GRM3: variants seen among roughly 807,000 people sequenced by gnomAD.
GRM3 encodes the protein metabotropic glutamate receptor 3.
In GRM3, 26 loss-of-function variants were observed where a neutral mutation model predicts 70.5. That is an observed-to-expected ratio of 0.37 (90% CI 0.27 to 0.51). GRM3 has a LOEUF of 0.51. GRM3 is among the 20% of genes least tolerant of loss of function. The pLI, the probability that GRM3 is intolerant of heterozygous loss-of-function variation, is 0.93. For synonymous variants in GRM3, 443 were observed against 434.9 expected, an observed-to-expected ratio of 1.02 and a Z score of -0.23; for missense variants, 859 against 1,123.8, an observed-to-expected ratio of 0.76 and a Z score of 3.37.
At chr7:86,823,732 A>C (rs1798174895) in intron 3 of GRM3, among the ~76,000 whole-genome samples, 1 of 151,674 alleles carries the variant, frequency 6.6e-6, no homozygotes, top group African/African-American at 2.4e-5. Context: ...AACAAATTTC[A>C]ATTCTTGTTA....
intron 1 of GRM3, among the ~76,000 whole-genome samples, chr7:86,669,990 G>A (rs1479675226): frequency 6.6e-6 from 1 of 152,102 alleles, no homozygotes; most frequent in Non-Finnish European, 1.5e-5. Flanking sequence ...CTTCTCCTCA[G>A]TTCTCAGACA....
At chr7:86,644,975 G>C (rs560067589) in intron 1 of GRM3, 103 bp downstream of exon 1, 1 of 483,474 alleles carries the variant, frequency 2.1e-6, no homozygotes, top group South Asian at 1.8e-5. Flanking sequence ...AGTTGAGGTA[G>C]AGCATGGACC....
intron 2 of GRM3, among the ~76,000 whole-genome samples, chr7:86,783,894 A>G (rs1797148861): frequency 6.6e-6 from 1 of 152,204 alleles, no homozygotes; most frequent in Admixed American, 6.5e-5. Flanking sequence ...AATACTTACT[A>G]TGTTCCAATT....
intron 1 of GRM3, among the ~76,000 whole-genome samples, chr7:86,669,302 G>T (rs1365352386): frequency 6.6e-6 from 1 of 152,042 alleles, no homozygotes; most frequent in Non-Finnish European, 1.5e-5. Flanking sequence ...TGATTCCAGG[G>T]GACAGCCAAT....
chr7:86,708,288 A>T (rs1283838512), intron 1 of GRM3, among the ~76,000 whole-genome samples: 1 of 152,142 alleles, frequency 6.6e-6, no homozygotes, highest in African/African-American at 2.4e-5. Flanking sequence ...AGTGGTCTCT[A>T]TAGTTTGTAT....
rs914813945 is a variant in GRM3 at position 86,644,557 on chromosome 7, C to G, written c.-456C>G. On this transcript the variant is annotated 5_prime_UTR_variant, in exon 1 of 6. Transcript: ENST00000361669. Reference sequence around the variant, plus strand: ...CCTCTTTCCCCAACCTCCTCCCTCTCTTCTACTCCACCCCTCCGTTTTCCC... The same window carrying G: ...CCTCTTTCCCCAACCTCCTCCCTCTGTTCTACTCCACCCCTCCGTTTTCCC... The G allele has an allele frequency of 2.5e-5, 10 of 396,404 alleles. No homozygotes were observed. Among genetic ancestry groups the G allele is most frequent in the Non-Finnish European group, 5.1e-6 (1 of 198,002 alleles). 24.6% of individuals were successfully genotyped at this position (396,404 alleles called of 1,614,324 possible).
chr7:86,729,365 C>A (rs574544161), intron 1 of GRM3, among the ~76,000 whole-genome samples: 1 of 152,082 alleles, frequency 6.6e-6, no homozygotes, highest in Non-Finnish European at 1.5e-5. Flanking sequence ...TGGTGTATAA[C>A]GTGTTCCATT....
intron 1 of GRM3, among the ~76,000 whole-genome samples, chr7:86,744,847 C>T (rs528343328): frequency 6.6e-6 from 1 of 152,020 alleles, no homozygotes; most frequent in Non-Finnish European, 1.5e-5. Flanking sequence ...ACATGAAAAG[C>T]ACTCCTGGAA....
chr7:86,717,722 A>G (rs910535488), intron 1 of GRM3, among the ~76,000 whole-genome samples: 8 of 151,998 alleles, frequency 5.3e-5, no homozygotes, highest in Non-Finnish European at 2.9e-5. Flanking sequence ...GACGTGAAAC[A>G]TAAGGGTTTG....
At chr7:86,678,286 G>A (rs912625606) in intron 1 of GRM3, among the ~76,000 whole-genome samples, 10 of 151,928 alleles carry the variant, frequency 6.6e-5, no homozygotes, top group African/African-American at 2.4e-4. Flanking sequence ...AGATAAAGGA[G>A]CACACAACTA....
chr7:86,786,435 A>T lies in GRM3; in HGVS notation c.643A>T (p.Thr215Ser). 1.2e-6 allele frequency: 2 copies of T among 1,614,214 alleles called. No individual in the cohort carries two copies. Among genetic ancestry groups the T allele is most frequent in the Non-Finnish European group, 1.7e-6 (2 of 1,180,020 alleles). Residue 215 changes from threonine to serine, a missense_variant, in exon 3 of 6, where the codon ACA becomes TCA. By Grantham distance (58) the Thr-to-Ser change is moderately conservative (BLOSUM62 1). Coordinates refer to ENST00000361669, the MANE Select transcript of GRM3 (RefSeq NM_000840.3). This position sits in a 1 kb window ranked among gnomAD's most constrained non-coding sequence, Gnocchi z 6.0. Reference sequence around the variant, plus strand: ...CTTCTTCAACTGGACCTACGTGTCCACAGTAGCCTCCGAGGGTGATTACGG... The same window carrying T: ...CTTCTTCAACTGGACCTACGTGTCCTCAGTAGCCTCCGAGGGTGATTACGG... ...LRFFNWTYVS[T>S]VASEGDYGET...
intron 1 of GRM3, among the ~76,000 whole-genome samples, chr7:86,682,099 G>A (rs770238591): frequency 8.5e-5 from 13 of 152,156 alleles, no homozygotes; most frequent in Non-Finnish European, 1.3e-4. Flanking sequence ...CTTAAACAGT[G>A]CATTTGCAAA....
chr7:86,819,558 G>A (rs1419268123), intron 3 of GRM3, among the ~76,000 whole-genome samples: 1 of 152,100 alleles, frequency 6.6e-6, no homozygotes, highest in African/African-American at 2.4e-5. Context: ...TGGAGAGCCC[G>A]AGTTGAAACT....
chr7:86,838,011 G>C (rs919355136), intron 3 of GRM3, among the ~76,000 whole-genome samples: 1 of 152,202 alleles, frequency 6.6e-6, no homozygotes, highest in Non-Finnish European at 1.5e-5. Flanking sequence ...TGGAAGAGAG[G>C]AAGCATGTAT....
intron 1 of GRM3, among the ~76,000 whole-genome samples, chr7:86,732,927 G>A (rs1010755615): frequency 1.3e-5 from 2 of 152,100 alleles, no homozygotes; most frequent in African/African-American, 4.8e-5. Flanking sequence ...TACAAACCCA[G>A]CAGGAAAGTA....
At chr7:86,798,521 T>A (rs1447870515) in intron 3 of GRM3, among the ~76,000 whole-genome samples, 1 of 152,186 alleles carries the variant, frequency 6.6e-6, no homozygotes, top group Non-Finnish European at 1.5e-5. Flanking sequence ...TGGGTGTGTA[T>A]AACAAATGCC....
intron 1 of GRM3, 93 bp downstream of exon 1, chr7:86,644,965 A>G: frequency 1.7e-6 from 1 of 588,508 alleles, no homozygotes; most frequent in Non-Finnish European, 2.7e-6. Flanking sequence ...CAGCCGGGAA[A>G]GTTGAGGTAG....
intron 1 of GRM3, among the ~76,000 whole-genome samples, chr7:86,708,197 T>G (rs1795103590): frequency 6.6e-6 from 1 of 152,116 alleles, no homozygotes; most frequent in Admixed American, 6.6e-5. Flanking sequence ...TTCTGGGCCA[T>G]ATGCCAAGCA....
intron 1 of GRM3, among the ~76,000 whole-genome samples, chr7:86,751,972 A>G (rs1796242533): frequency 6.6e-6 from 1 of 152,128 alleles, no homozygotes; most frequent in Admixed American, 6.6e-5. Context: ...CACACTAGCC[A>G]TTCTTTTTCA....
Sources: allele counts gnomAD v4.1 joint callset (sites outside exome capture counted in the v4.1 genomes callset), GRCh38; gene constraint gnomAD v4.1.1; non-coding constraint Gnocchi (gnomAD v3.1); transcripts MANE v1.5; gene names NCBI Gene and HGNC (gene_info 2026-07-23, HGNC 2026-07-21).